METTL16: variants seen among roughly 807,000 people sequenced by gnomAD.
METTL16 encodes RNA N(6)-adenosine-methyltransferase METTL16.
Under a neutral mutation model 57.9 loss-of-function variants are expected in METTL16, and 19 were observed. The observed-to-expected ratio is 0.33, with a 90% CI of 0.23 to 0.48. The LOEUF is 0.48. Among genes scored for constraint, METTL16 ranks in the 20% least tolerant of loss-of-function variants. METTL16 has a pLI of 0.99. For synonymous variants in METTL16, 246 were observed against 255.6 expected, an observed-to-expected ratio of 0.96 and a Z score of 0.36; for missense variants, 434 against 691.5, an observed-to-expected ratio of 0.63 and a Z score of 4.18.
chr17:2,461,020 T>C (rs2067146391), intron 6 of METTL16, among the ~76,000 whole-genome samples: 1 of 152,208 alleles, frequency 6.6e-6, no homozygotes, highest in Non-Finnish European at 1.5e-5. Flanking sequence ...AGTATAATTT[T>C]AGTCTATTTC....
intron 6 of METTL16, among the ~76,000 whole-genome samples, chr17:2,454,074 C>T (rs1179539892): frequency 3.3e-5 from 5 of 152,092 alleles, no homozygotes. Context: ...CCCAGCTTTG[C>T]CCTGAGCTCA....
intron 8 of METTL16, among the ~76,000 whole-genome samples, chr17:2,430,412 CTTTTT>C (rs903960118): frequency 6.2e-4 from 73 of 118,488 alleles, no homozygotes; most frequent in Admixed American, 3.6e-3. Context: ...TTAGAATTCT[CTTTTT>C]TTTTTTTTTT....
intron 2 of METTL16, among the ~76,000 whole-genome samples, chr17:2,482,802 C>T (rs2067316261): frequency 6.6e-6 from 1 of 151,972 alleles, no homozygotes; most frequent in South Asian, 2.1e-4. Flanking sequence ...CTGCGGTCCC[C>T]GCTACGCAGG....
At chr17:2,467,693 AG>A (rs1342122023) in intron 5 of METTL16, 67 bp downstream of exon 5, 1 of 1,198,638 alleles carries the variant, frequency 8.3e-7, no homozygotes, top group African/African-American at 1.5e-5. Context: ...CCCAAAGTGC[AG>A]GGATTACAGG....
chr17:2,472,583 G>C lies in METTL16; in HGVS notation c.469+941C>G, dbSNP rs572712247. Among the ~76,000 whole-genome samples the C allele has an allele frequency of 2.0e-5, 3 of 151,758 alleles. No individual in the cohort carries two copies. In the South Asian group the frequency reaches 6.2e-4, roughly 32 times the overall value. On this transcript the variant is annotated intron_variant, in intron 4 of 9. Transcript: ENST00000263092. ...GAATGGAGAAACTCTGGTACACCCA[G>C]ATAATGGAATATCAAAATGAAATGT...
At chr17:2,492,789 C>A (rs548446791) in intron 2 of METTL16, among the ~76,000 whole-genome samples, 2 of 149,258 alleles carry the variant, frequency 1.3e-5, no homozygotes, top group East Asian at 4.1e-4. Context: ...CCCAGCAACT[C>A]AGGACGCTGA....
Position 2,419,890 on chromosome 17 carries a change from T to C in METTL16, c.*80A>G. 6.5e-7 allele frequency: 1 copy of C among 1,530,332 alleles called. No homozygotes were observed. Among genetic ancestry groups the C allele is most frequent in the Non-Finnish European group, 8.9e-7 (1 of 1,118,300 alleles). 94.8% of individuals were successfully genotyped at this position (1,530,332 alleles called of 1,614,324 possible). The stretch of plus-strand genomic sequence containing the variant: ...CCACATCGTGCTACTAATGGGCCGC[T>C]GGTAGGATTCCTCTTGCCACCCCAC... On this transcript the variant is annotated 3_prime_UTR_variant, in exon 10 of 10. Coordinates refer to ENST00000263092, the MANE Select transcript of METTL16 (RefSeq NM_024086.4).
intron 8 of METTL16, among the ~76,000 whole-genome samples, chr17:2,433,601 T>C (rs908131875): frequency 6.6e-6 from 1 of 152,104 alleles, no homozygotes; most frequent in Non-Finnish European, 1.5e-5. Context: ...CTCATCTGGG[T>C]TCTAACCTGA....
At chr17:2,457,222 A>C (rs1047428282) in intron 6 of METTL16, among the ~76,000 whole-genome samples, 4 of 151,022 alleles carry the variant, frequency 2.6e-5, no homozygotes, top group East Asian at 1.9e-4. Flanking sequence ...CCTGTAGTCC[A>C]AGCTACTAGG....
chr17:2,419,668 G>A lies in METTL16; in HGVS notation c.*302C>T. ...CAAACAACCCTTCTGACCTTGCAGAGGCAGTCCAGAGCTGAGGGGCCAGCT... is the reference window on the plus strand; with the variant it reads ...CAAACAACCCTTCTGACCTTGCAGAAGCAGTCCAGAGCTGAGGGGCCAGCT... On this transcript the variant is annotated 3_prime_UTR_variant, in exon 10 of 10. Coordinates refer to ENST00000263092, the MANE Select transcript of METTL16 (RefSeq NM_024086.4). 1 of 572,246 alleles carries A rather than the reference G, an allele frequency of 1.7e-6. No individual in the cohort carries two copies. The highest frequency in any genetic ancestry group is 1.5e-5 in the South Asian group (1 of 65,600). 35.4% of individuals were successfully genotyped at this position (572,246 alleles called of 1,614,324 possible).
At chr17:2,463,146 T>C (rs879269452) in intron 6 of METTL16, among the ~76,000 whole-genome samples, 1 of 152,222 alleles carries the variant, frequency 6.6e-6, no homozygotes, top group Non-Finnish European at 1.5e-5. Flanking sequence ...GACAGCTCAA[T>C]GTCCTCACAT....
chr17:2,452,166 A>C (rs991775852), intron 6 of METTL16, among the ~76,000 whole-genome samples: 2 of 151,790 alleles, frequency 1.3e-5, no homozygotes, highest in African/African-American at 4.8e-5. Context: ...AGATACTGTA[A>C]GGTTCTTCAG....
chr17:2,507,700 G>A (rs1251561562), intron 1 of METTL16, among the ~76,000 whole-genome samples: 1 of 152,250 alleles, frequency 6.6e-6, no homozygotes, highest in Non-Finnish European at 1.5e-5. Context: ...GAAAGGTGGG[G>A]AAAAGATTGA....
chr17:2,490,096 A>G lies in METTL16; in HGVS notation c.128+12108T>C, dbSNP rs150306277. 3.3e-3 allele frequency among the ~76,000 whole-genome samples: 507 copies of G among 152,300 alleles called. 2 individuals are homozygous for G. Among genetic ancestry groups the G allele is most frequent in the Non-Finnish European group, 5.8e-3 (394 of 68,028 alleles). On this transcript the variant is annotated intron_variant, in intron 2 of 9. Transcript: ENST00000263092. ...ATTCTTGTAAAAACAAAACAAAAAG[A>G]CCCTGTATAAACAGATGCAGAGGAA...
rs779755512 is a variant in METTL16, at chr17:2,479,914, C to T, written c.129-2029G>A. Among the ~76,000 whole-genome samples the T allele has an allele frequency of 8.5e-4, 129 of 152,220 alleles. 1 individual carries two copies. The highest frequency in any genetic ancestry group is 1.5e-3 in the Non-Finnish European group (103 of 68,014). Reference sequence around the variant, plus strand: ...ATAAAAGTAAAGGACTGGCCGGGCACGGTGGCTCACACCTGTAATCCTACC... The same window carrying T: ...ATAAAAGTAAAGGACTGGCCGGGCATGGTGGCTCACACCTGTAATCCTACC... On this transcript the variant is annotated intron_variant, in intron 2 of 9. Transcript: ENST00000263092.
At chr17:2,458,290 G>T (rs938323900) in intron 6 of METTL16, among the ~76,000 whole-genome samples, 1 of 152,102 alleles carries the variant, frequency 6.6e-6, no homozygotes, top group African/African-American at 2.4e-5. Flanking sequence ...GTAGAATACA[G>T]ATCTCTGGTT....
chr17:2,439,165 A>T (rs1451291406), intron 7 of METTL16, among the ~76,000 whole-genome samples: 1 of 152,128 alleles, frequency 6.6e-6, no homozygotes. Flanking sequence ...ATTGTAGTGC[A>T]GTGGCGTGAT....
Position 2,477,610 on chromosome 17 carries a change from G to C in METTL16, c.328+76C>G, listed in dbSNP as rs1467582518. The C allele has an allele frequency of 3.6e-6, 4 of 1,109,024 alleles. No individual in the cohort carries two copies. In the African/African-American group the frequency reaches 4.7e-5, roughly 13 times the overall value. The allele number at this position is 1,109,024 out of a possible 1,614,324, so 68.7% of individuals were successfully genotyped here. On this transcript the variant is annotated intron_variant, in intron 3 of 9. Coordinates refer to ENST00000263092, the MANE Select transcript of METTL16 (RefSeq NM_024086.4). ...TTTGTACAACAACAAATACCCAGTA[G>C]AAAAGTTTACAAAGAATTTGATCTC...
chr17:2,507,381 G>T (rs1348269104), intron 1 of METTL16, among the ~76,000 whole-genome samples: 41 of 146,616 alleles, frequency 2.8e-4, no homozygotes, highest in African/African-American at 9.1e-4. Context: ...GAGGTGGGGG[G>T]GTCAGCCCCC....
Sources: allele counts gnomAD v4.1 joint callset (sites outside exome capture counted in the v4.1 genomes callset), GRCh38; gene constraint gnomAD v4.1.1; transcripts MANE v1.5; gene names NCBI Gene and HGNC (gene_info 2026-07-23, HGNC 2026-07-21).